SRGAP2C: variants seen among roughly 807,000 people sequenced by gnomAD.
The protein encoded by SRGAP2C is SLIT-ROBO Rho GTPase activating protein 2C.
A neutral mutation model predicts 25.1 loss-of-function variants in SRGAP2C; 15 were observed. The observed-to-expected ratio is 0.60, with a 90% CI of 0.40 to 0.92. The LOEUF is 0.92. Ranked by LOEUF, SRGAP2C falls within the 40% of genes least tolerant of loss-of-function variation. The probability of loss-of-function intolerance (pLI) is 0.00; values close to 1 mark genes in which losing one functional copy is unlikely to be tolerated. For synonymous variants in SRGAP2C, 44 were observed against 96.6 expected (o/e 0.46, Z 3.19); for missense variants, 144 against 264.4 (o/e 0.54, Z 3.16).
chr1:121,269,398 AAG>A (rs1656882117), intron 2 of SRGAP2C, among the ~76,000 whole-genome samples: 1 of 121,862 alleles, frequency 8.2e-6, no homozygotes, highest in Admixed American at 9.1e-5. Context: ...TACGGAAAAT[AAG>A]AGTGTATAAT....
intron 2 of SRGAP2C, among the ~76,000 whole-genome samples, chr1:121,249,583 T>A (rs1285630245): frequency 0.031 from 533 of 17,414 alleles, no homozygotes; most frequent in Non-Finnish European, 0.045. Flanking sequence ...TATATATATT[T>A]TTTTTTTTTT....
chr1:121,298,461 A>G (rs1319755490), intron 3 of SRGAP2C, among the ~76,000 whole-genome samples: 7 of 101,450 alleles, frequency 6.9e-5, no homozygotes, highest in Admixed American at 4.6e-4. Flanking sequence ...AGGCCAGTGC[A>G]GTACAAACCT....
chr1:121,201,953 G>C (rs587732454), intron 2 of SRGAP2C, among the ~76,000 whole-genome samples: 1 of 152,266 alleles, frequency 6.6e-6, no homozygotes, highest in South Asian at 2.1e-4. Flanking sequence ...AAGAGTGTCA[G>C]ATCTCTGAGA....
chr1:121,285,081 G>A, intron 3 of SRGAP2C, 86 bp downstream of exon 3: 1 of 517,906 alleles, frequency 1.9e-6, no homozygotes, highest in South Asian at 3.4e-5. Flanking sequence ...CTTAGATCCA[G>A]CTGAATTCAG....
At chr1:121,249,571 TATATATATA>T (rs1430449484) in intron 2 of SRGAP2C, among the ~76,000 whole-genome samples, 160 of 23,792 alleles carry the variant, frequency 6.7e-3, no homozygotes, top group African/African-American at 0.027. Context: ...TATATATATA[TATATATATA>T]TTTTTTTTTT....
At chr1:121,303,560 G>T (rs1657746705) in intron 3 of SRGAP2C, among the ~76,000 whole-genome samples, 1 of 150,308 alleles carries the variant, frequency 6.7e-6, no homozygotes, top group African/African-American at 2.4e-5. Context: ...GTGGGAAATG[G>T]TATTTAGAAG....
At position 121,334,421 on chromosome 1, in the gene SRGAP2C, CTTA is replaced by C. The variant is rs1249269149; in HGVS notation, c.423+9787_423+9789del. Reference sequence around the variant, plus strand: ...AGAAATCAGCTGTGGTTCTTAGGTTCTTATTATTGCTTACTTGTATGTAATATA... The same window carrying C: ...AGAAATCAGCTGTGGTTCTTAGGTTCTTATTGCTTACTTGTATGTAATATA... On this transcript the variant is annotated intron_variant, in intron 4 of 9. Coordinates refer to ENST00000367123, the MANE Select transcript of SRGAP2C (RefSeq NM_001329984.2). Among the ~76,000 whole-genome samples, 3 of 148,960 alleles carry C rather than the reference CTTA, an allele frequency of 2.0e-5. No individual in the cohort carries two copies. In the Admixed American group the frequency reaches 2.0e-4, roughly 10 times the overall value.
At chr1:121,269,884 G>A (rs1459807798) in intron 2 of SRGAP2C, among the ~76,000 whole-genome samples, 2 of 150,220 alleles carry the variant, frequency 1.3e-5, no homozygotes, top group Non-Finnish European at 3.0e-5. Context: ...GAAGAATTAG[G>A]TAATTCGTGT....
intron 2 of SRGAP2C, among the ~76,000 whole-genome samples, chr1:121,197,013 T>G (rs1457582845): frequency 6.6e-6 from 1 of 150,636 alleles, no homozygotes; most frequent in South Asian, 2.1e-4. Flanking sequence ...CTTACCCTGC[T>G]TACATTTTAT....
chr1:121,249,570 ATATATATATATTT>A lies in SRGAP2C; in HGVS notation c.68-35231_68-35219del, dbSNP rs1222538276. Reference sequence around the variant, plus strand: ...ACTATATATATATATATATATATATATATATATATATTTTTTTTTTTTTTTTTTAAATTATACT... The same window carrying A: ...ACTATATATATATATATATATATATATTTTTTTTTTTTTTTAAATTATACT... On this transcript the variant is annotated intron_variant, in intron 2 of 9. Transcript: ENST00000367123. Among the ~76,000 whole-genome samples the A allele has an allele frequency of 8.7e-3, 294 of 33,878 alleles. 1 individual carries two copies. The highest frequency in any genetic ancestry group is 0.016 in the Middle Eastern group (1 of 62). 22.2% of individuals were successfully genotyped at this position (33,878 alleles called of 152,430 possible). A position where few individuals can be genotyped will look rare whatever the true frequency, so the allele number is the denominator to read the frequency against.
In SRGAP2C at chr1:121,185,052, G is replaced by A; in HGVS notation, c.-615G>A. Reference sequence around the variant, plus strand: ...ACCGATCTGCGTAGAAACGGGTGGCGGGGAAGAGAGGGGAGGAGAGCTCTG... The same window carrying A: ...ACCGATCTGCGTAGAAACGGGTGGCAGGGAAGAGAGGGGAGGAGAGCTCTG... On this transcript the variant is annotated 5_prime_UTR_variant, in exon 1 of 10. Transcript: ENST00000367123. 1 of 503,030 alleles carries A rather than the reference G, an allele frequency of 2.0e-6. No homozygotes were observed. The allele number at this position is 503,030 out of a possible 1,614,324, so 31.2% of individuals were successfully genotyped here. A position where few individuals can be genotyped will look rare whatever the true frequency, so the allele number is the denominator to read the frequency against.
At chr1:121,239,790 G>A (rs1458890283) in intron 2 of SRGAP2C, among the ~76,000 whole-genome samples, 2 of 152,220 alleles carry the variant, frequency 1.3e-5, no homozygotes, top group Non-Finnish European at 2.9e-5. Flanking sequence ...GCAGAGTTGA[G>A]TAGTTTCAAC....
chr1:121,339,279 G>T, intron 4 of SRGAP2C, among the ~76,000 whole-genome samples: 2 of 120,566 alleles, frequency 1.7e-5, no homozygotes, highest in African/African-American at 5.9e-5. Flanking sequence ...TTTTGGAGAT[G>T]GAGTTTCTTT....
chr1:121,385,979 CA>C (rs1453244790), intron 8 of SRGAP2C, among the ~76,000 whole-genome samples: 2 of 147,686 alleles, frequency 1.4e-5, no homozygotes, highest in Non-Finnish European at 3.0e-5. Flanking sequence ...GGCCCTCTAG[CA>C]TAGGCAACGA....
At chr1:121,382,149 G>A (rs1659834043) in intron 7 of SRGAP2C, among the ~76,000 whole-genome samples, 1 of 150,012 alleles carries the variant, frequency 6.7e-6, no homozygotes. Flanking sequence ...GTCCTAGGAT[G>A]TTGGGCATTG....
At position 121,186,356 on chromosome 1, in the gene SRGAP2C, C is replaced by G. The variant is rs587693092; in HGVS notation, c.-542-549C>G. ...TTGTTTTCCTGGATGTGTCCCGTGC[C>G]GAGCAGGCTTTTTCCTGCAGATTTG... On this transcript the variant is annotated intron_variant, in intron 1 of 9. Coordinates refer to ENST00000367123, the MANE Select transcript of SRGAP2C (RefSeq NM_001329984.2). Among the ~76,000 whole-genome samples the G allele has an allele frequency of 1.3e-4, 12 of 92,922 alleles. 1 individual carries two copies. The East Asian group carries it at 2.1e-3, about 17-fold the overall frequency. 61.0% of individuals were successfully genotyped at this position (92,922 alleles called of 152,430 possible).
At chr1:121,212,123 A>ATTT (rs60785126) in intron 2 of SRGAP2C, among the ~76,000 whole-genome samples, 27 of 61,970 alleles carry the variant, frequency 4.4e-4, no homozygotes, top group Non-Finnish European at 6.1e-4. Context: ...ATGGAGCTGT[A>ATTT]TTTTTTTTTT....
intron 1 of SRGAP2C, among the ~76,000 whole-genome samples, chr1:121,186,457 G>A (rs1654500816): frequency 9.7e-6 from 1 of 103,476 alleles, no homozygotes; most frequent in Non-Finnish European, 2.1e-5. Context: ...AGGAGGGGCG[G>A]GAGAGGAAGA....
chr1:121,277,206 G>A (rs1377103857), intron 2 of SRGAP2C, among the ~76,000 whole-genome samples: 2 of 139,454 alleles, frequency 1.4e-5, no homozygotes, highest in East Asian at 4.4e-4. Flanking sequence ...TATATATCTT[G>A]TGCAATTATG....
Sources: allele counts gnomAD v4.1 joint callset (sites outside exome capture counted in the v4.1 genomes callset), GRCh38; gene constraint gnomAD v4.1.1; transcripts MANE v1.5; gene names NCBI Gene and HGNC (gene_info 2026-07-23, HGNC 2026-07-21).